RORA: variants seen among roughly 807,000 people sequenced by gnomAD.
The protein encoded by RORA is nuclear receptor ROR-alpha.
RORA carries 7 observed loss-of-function variants against 69.5 expected under a neutral mutation model. That is an observed-to-expected ratio of 0.10 (90% CI 0.06 to 0.19). The LOEUF (loss-of-function observed/expected upper bound fraction) is 0.19, where lower values mean the gene tolerates loss of function less well. RORA is among the 10% of genes least tolerant of loss of function. The pLI is 1.00. For synonymous variants in RORA, 261 were observed against 240.8 expected, an observed-to-expected ratio of 1.08 and a Z score of -0.78; for missense variants, 457 against 663.0, an observed-to-expected ratio of 0.69 and a Z score of 3.41.
chr15:60,970,835 A>G (rs968686783), intron 1 of RORA, among the ~76,000 whole-genome samples: 2 of 152,258 alleles, frequency 1.3e-5, no homozygotes. Context: ...TAAGAAAATC[A>G]CACTCTAAAA....
intron 1 of RORA, among the ~76,000 whole-genome samples, chr15:61,199,303 G>T (rs2079874379): frequency 6.6e-6 from 1 of 152,124 alleles, no homozygotes; most frequent in Admixed American, 6.6e-5. Context: ...TTTCCTCATG[G>T]ACTCCTGGAA....
At chr15:61,005,275 T>A (rs1353788318) in intron 1 of RORA, among the ~76,000 whole-genome samples, 2 of 151,914 alleles carry the variant, frequency 1.3e-5, no homozygotes, top group Admixed American at 6.6e-5. Flanking sequence ...AGGTCAGGAG[T>A]TCGAGATCAG....
chr15:60,507,674 G>A (rs574011230), intron 5 of RORA, among the ~76,000 whole-genome samples: 1 of 152,214 alleles, frequency 6.6e-6, no homozygotes, highest in South Asian at 2.1e-4. Context: ...AAATAAGGTA[G>A]TGAACTACCT....
intron 1 of RORA, among the ~76,000 whole-genome samples, chr15:60,851,194 G>C (rs1338220624): frequency 6.6e-6 from 1 of 152,154 alleles, no homozygotes; most frequent in Non-Finnish European, 1.5e-5. Flanking sequence ...CATAATCCTT[G>C]ACATGGCTAC....
chr15:60,592,524 G>T, intron 2 of RORA: 1 of 1,293,724 alleles, frequency 7.7e-7, no homozygotes. Context: ...AGCTGCCGCA[G>T]CTGCCCGCCC....
At chr15:60,786,418 C>A (rs1162959826) in intron 1 of RORA, among the ~76,000 whole-genome samples, 1 of 152,226 alleles carries the variant, frequency 6.6e-6, no homozygotes, top group Non-Finnish European at 1.5e-5. Context: ...GAGTCTTGAG[C>A]CTCGCTAGAG....
intron 1 of RORA, among the ~76,000 whole-genome samples, chr15:61,065,868 T>C (rs2078250422): frequency 6.6e-6 from 1 of 152,198 alleles, no homozygotes; most frequent in Non-Finnish European, 1.5e-5. Context: ...CTACATTTCA[T>C]ATTCTCCAAT....
At chr15:61,034,287 A>T (rs1312101736) in intron 1 of RORA, among the ~76,000 whole-genome samples, 1 of 152,190 alleles carries the variant, frequency 6.6e-6, no homozygotes, top group Non-Finnish European at 1.5e-5. Context: ...GGAAAAAAGG[A>T]GTATCTAGCA....
At chr15:60,575,709 C>T (rs949403821) in intron 2 of RORA, among the ~76,000 whole-genome samples, 2 of 152,128 alleles carry the variant, frequency 1.3e-5, no homozygotes, top group African/African-American at 4.8e-5. Context: ...AATAGTTTTC[C>T]ATGCCTGGGT....
chr15:61,099,391 C>T (rs1326466568), intron 1 of RORA, among the ~76,000 whole-genome samples: 1 of 152,086 alleles, frequency 6.6e-6, no homozygotes, highest in African/African-American at 2.4e-5. Context: ...CTATACTGTC[C>T]CCCACTAAAT....
At chr15:60,849,422 C>T (rs2073300979) in intron 1 of RORA, among the ~76,000 whole-genome samples, 1 of 152,140 alleles carries the variant, frequency 6.6e-6, no homozygotes, top group African/African-American at 2.4e-5. Flanking sequence ...ATGAAACGGA[C>T]AACATTGACA....
intron 1 of RORA, among the ~76,000 whole-genome samples, chr15:60,843,759 G>C (rs952117744): frequency 6.6e-6 from 1 of 152,174 alleles, no homozygotes; most frequent in Non-Finnish European, 1.5e-5. Context: ...GTCTTGCTGG[G>C]GAAGGCAAAG....
At chr15:60,588,448 T>TCATC (rs55840229) in intron 2 of RORA, among the ~76,000 whole-genome samples, 26,764 of 150,534 alleles carry the variant, frequency 0.18, 3,464 homozygotes, top group African/African-American at 0.37. Flanking sequence ...GCAAATCTAT[T>TCATC]CATCCATCCA....
intron 1 of RORA, among the ~76,000 whole-genome samples, chr15:61,170,782 A>G (rs11071590): frequency 0.4 from 60,590 of 152,184 alleles, 14,851 homozygotes; most frequent in Non-Finnish European, 0.54. Flanking sequence ...TTAGTTAGGT[A>G]AAGCAGAGCC....
intron 4 of RORA, among the ~76,000 whole-genome samples, chr15:60,513,030 G>A (rs1037537112): frequency 1.3e-5 from 2 of 152,222 alleles, no homozygotes; most frequent in Non-Finnish European, 2.9e-5. Context: ...AGTTATAAGA[G>A]TCTAGGGCAG....
In RORA at chr15:61,107,045, T is replaced by A. The variant is rs189058120; in HGVS notation, c.166+122008A>T. Among the ~76,000 whole-genome samples the A allele has an allele frequency of 2.0e-5, 3 of 152,328 alleles. No individual in the cohort carries two copies. The East Asian group carries it at 5.8e-4, about 29-fold the overall frequency. On this transcript the variant is annotated intron_variant, in intron 1 of 10. Coordinates refer to ENST00000335670, the MANE Select transcript of RORA (RefSeq NM_134261.3). ...ACATGGTCACTGAGCAGCCAGCATC[T>A]GCCCACCTTGGCCCTGGCTACATTC...
chr15:60,709,880 C>T (rs1401280732), intron 1 of RORA, among the ~76,000 whole-genome samples: 1 of 152,144 alleles, frequency 6.6e-6, no homozygotes, highest in Non-Finnish European at 1.5e-5. Flanking sequence ...AATTGTCTTC[C>T]ATGAAACTGG....
intron 1 of RORA, among the ~76,000 whole-genome samples, chr15:61,192,186 G>C (rs959367599): frequency 6.6e-6 from 1 of 152,258 alleles, no homozygotes; most frequent in Non-Finnish European, 1.5e-5. Context: ...GAATAATGCG[G>C]AGGACTTGAC....
intron 1 of RORA, among the ~76,000 whole-genome samples, chr15:60,687,240 T>C (rs2070763246): frequency 6.6e-6 from 1 of 152,138 alleles, no homozygotes; most frequent in Non-Finnish European, 1.5e-5. Flanking sequence ...TAAACAAATA[T>C]TTAAAAGTAG....
Sources: gnomAD v4.1 joint callset for allele counts (sites outside exome capture counted in the v4.1 genomes callset) on GRCh38, gnomAD v4.1.1 for gene constraint, MANE v1.5 for transcripts, NCBI Gene and HGNC (gene_info 2026-07-23, HGNC 2026-07-21) for gene names.